Variants in PITPNM2 observed in about 807,000 individuals in gnomAD.
PITPNM2 encodes membrane-associated phosphatidylinositol transfer protein 2.
A neutral mutation model predicts 132.2 loss-of-function variants in PITPNM2; 35 were observed. That is an observed-to-expected ratio of 0.26 (90% CI 0.20 to 0.35). The LOEUF (loss-of-function observed/expected upper bound fraction) is 0.35, where lower values mean the gene tolerates loss of function less well. Among genes scored for constraint, PITPNM2 ranks in the 10% least tolerant of loss-of-function variants. The pLI, the probability that PITPNM2 is intolerant of heterozygous loss-of-function variation, is 1.00. For missense variants in PITPNM2, 1,332 were observed against 1,912.0 expected (o/e 0.70, Z 5.66); for synonymous variants, 738 against 799.2 (o/e 0.92, Z 1.29).
At chr12:123,038,013 T>A (rs1390336929) in intron 2 of PITPNM2, among the ~76,000 whole-genome samples, 1 of 151,956 alleles carries the variant, frequency 6.6e-6, no homozygotes, top group African/African-American at 2.4e-5. Context: ...AACACACACC[T>A]GGAGGGCCCA....
intron 2 of PITPNM2, among the ~76,000 whole-genome samples, chr12:123,101,051 G>A (rs1428276353): frequency 6.6e-6 from 1 of 152,242 alleles, no homozygotes; most frequent in African/African-American, 2.4e-5. Context: ...AGTGCCAGGA[G>A]CCACTCCTAT....
At position 123,001,271 on chromosome 12, in the gene PITPNM2, C is replaced by T. The variant is rs1456868999; in HGVS notation, c.1049-113G>A. 2.1e-5 allele frequency: 16 copies of T among 753,054 alleles called. No homozygotes were observed. In the East Asian group the frequency reaches 3.5e-4, roughly 17 times the overall value. 46.6% of individuals were successfully genotyped at this position (753,054 alleles called of 1,614,324 possible). A position where few individuals can be genotyped will look rare whatever the true frequency, so the allele number is the denominator to read the frequency against. On this transcript the variant is annotated intron_variant, in intron 8 of 25. Coordinates refer to ENST00000320201, the MANE Select transcript of PITPNM2 (RefSeq NM_020845.3). ...CTGCTCTGACCGTTCCTCAACAGGA[C>T]GGCCACACAGCCCCACACCTTGGGC... is the stretch of plus-strand genomic sequence containing the variant.
In PITPNM2 at chr12:123,108,339, AGTT is replaced by A. The variant is rs2042763924; in HGVS notation, c.-96+2043_-96+2045del. Among the ~76,000 whole-genome samples, 1 of 152,216 alleles carries A rather than the reference AGTT, an allele frequency of 6.6e-6. No homozygotes were observed. The highest frequency in any genetic ancestry group is 2.4e-5 in the African/African-American group (1 of 41,454). ...GCAAAGCCACTGCACTCTGGAATGC[AGTT>A]GTTAAGAAGGAATAGAACCTCCTTC... is the stretch of plus-strand genomic sequence containing the variant. On this transcript the variant is annotated intron_variant, in intron 2 of 25. Transcript: ENST00000320201. This position sits in a 1 kb window ranked among gnomAD's most constrained non-coding sequence, Gnocchi z 4.4.
Position 122,986,295 on chromosome 12 carries a change from G to T in PITPNM2, c.3782C>A (p.Ala1261Glu). The T allele has an allele frequency of 6.3e-7, 1 of 1,581,928 alleles. No individual in the cohort carries two copies. The highest frequency in any genetic ancestry group is 8.6e-7 in the Non-Finnish European group (1 of 1,167,750). The change falls in exon 26 of 26, where the codon GCG (alanine) becomes GAG (glutamate). Residue 1261 changes from alanine (A) to glutamate (E), a missense_variant. Around this residue, in one of 6 missense-constraint regions of PITPNM2, gnomAD observed 163 missense variants for 177.2 expected, o/e 0.92. Transcript: ENST00000320201. ...HLAQLKYSHR[A>E]RPARNTATRM... ...GGTGGCCGTGTTGCGAGCGGGCCGC[G>T]CCCGGTGGCTGTACTTCAGCTGCGC... is the stretch of plus-strand genomic sequence containing the variant.
rs758673088 is a variant in PITPNM2, at chr12:122,996,874, G to C, written c.1509C>G (p.Ser503=). 6.3e-7 allele frequency: 1 copy of C among 1,587,224 alleles called. No individual in the cohort carries two copies. The highest frequency in any genetic ancestry group is 8.5e-7 in the Non-Finnish European group (1 of 1,173,076). Residue 503 remains serine, a synonymous_variant, in exon 12 of 26, where the codon TCC becomes TCG. Coordinates refer to ENST00000320201, the MANE Select transcript of PITPNM2 (RefSeq NM_020845.3). Reference sequence around the variant, plus strand: ...CCAGGGGAATGTGGTCCTGACTGCTGGACAGACAGCCTTCGTCATGGCTGT... The same window carrying C: ...CCAGGGGAATGTGGTCCTGACTGCTCGACAGACAGCCTTCGTCATGGCTGT... ...SPYSHDEGCL[S]SSQDHIPLAA...
At chr12:123,033,048 C>A (rs1208437957) in intron 3 of PITPNM2, among the ~76,000 whole-genome samples, 1 of 152,206 alleles carries the variant, frequency 6.6e-6, no homozygotes, top group Non-Finnish European at 1.5e-5. Context: ...AAGGTGGGAG[C>A]CCAATAGGCG....
intron 2 of PITPNM2, among the ~76,000 whole-genome samples, chr12:123,054,987 C>T (rs185661643): frequency 2.8e-4 from 43 of 152,200 alleles, no homozygotes; most frequent in African/African-American, 1.0e-3. Flanking sequence ...TCACTTGAAT[C>T]CGGGAGCAGA....
At chr12:123,065,477 G>T (rs896252739) in intron 2 of PITPNM2, among the ~76,000 whole-genome samples, 2 of 152,184 alleles carry the variant, frequency 1.3e-5, no homozygotes, top group Non-Finnish European at 2.9e-5. Context: ...TGCAAGACAG[G>T]AACAACCATT....
chr12:123,018,362 T>C lies in PITPNM2; in HGVS notation c.79-4320A>G, dbSNP rs1375912309. 2.7e-5 allele frequency among the ~76,000 whole-genome samples: 4 copies of C among 149,930 alleles called. No homozygotes were observed. The East Asian group carries it at 7.9e-4, about 29-fold the overall frequency. On this transcript the variant is annotated intron_variant, in intron 3 of 25. Transcript: ENST00000320201. Reference sequence around the variant, plus strand: ...CAGGTTGGAGTGCAGTGGCACGATCTAGGCTCATTGCAACCTTCGCCTCCC... The same window carrying C: ...CAGGTTGGAGTGCAGTGGCACGATCCAGGCTCATTGCAACCTTCGCCTCCC...
chr12:123,090,373 T>C (rs1450667882), intron 2 of PITPNM2: 1 of 152,222 alleles, frequency 6.6e-6, no homozygotes, highest in Admixed American at 6.5e-5. Context: ...AACCACATTT[T>C]CTTTGTTTAG....
chr12:123,140,348 C>T (rs1054689282), intron 1 of PITPNM2, among the ~76,000 whole-genome samples: 1 of 152,206 alleles, frequency 6.6e-6, no homozygotes, highest in Non-Finnish European at 1.5e-5. Context: ...GACACAGCCA[C>T]CAGTTCCAGC....
At chr12:123,085,966 C>G (rs2042100641) in intron 2 of PITPNM2, among the ~76,000 whole-genome samples, 1 of 152,268 alleles carries the variant, frequency 6.6e-6, no homozygotes, top group Admixed American at 6.5e-5. Flanking sequence ...CAGGCAGGGG[C>G]TGAGAAGTCT....
Position 122,989,879 on chromosome 12 carries a change from C to CCGGGGGGGGGGGGGGG in PITPNM2, c.2638_2639insCCCCCCCCCCCCCCCG (p.Ser880ThrfsTer31). On this transcript the variant is annotated frameshift_variant, in exon 18 of 26. Transcript: ENST00000320201. LOFTEE classifies it high-confidence loss of function. ...AGGGTGGGGGCCAGGGGTGGTGGGG[C>CCGGGGGGGGGGGGGGG]TGGGGGCGGGCAGGGCGAGCAGGGA... The CCGGGGGGGGGGGGGGG allele has an allele frequency of 9.2e-6, 3 of 324,394 alleles. No homozygotes were observed. Among genetic ancestry groups the CCGGGGGGGGGGGGGGG allele is most frequent in the Non-Finnish European group, 1.5e-5 (3 of 198,050 alleles). The allele number at this position is 324,394 out of a possible 1,614,324, so 20.1% of individuals were successfully genotyped here.
chr12:123,126,701 A>G (rs7307833), intron 1 of PITPNM2, among the ~76,000 whole-genome samples: 21,937 of 152,054 alleles, frequency 0.14, 5,236 homozygotes, highest in African/African-American at 0.5. Flanking sequence ...GAACAGCCTG[A>G]TTCATGACAT....
intron 1 of PITPNM2, among the ~76,000 whole-genome samples, chr12:123,142,089 G>A (rs1478812362): frequency 6.6e-6 from 1 of 152,178 alleles, no homozygotes; most frequent in Non-Finnish European, 1.5e-5. Flanking sequence ...AAGAGTGCAC[G>A]ACAAATTGCA....
chr12:123,141,598 A>C (rs141086017), intron 1 of PITPNM2, among the ~76,000 whole-genome samples: 2,544 of 152,154 alleles, frequency 0.017, 30 homozygotes, highest in Non-Finnish European at 0.027. Flanking sequence ...CTCCTGGAGC[A>C]GGAATCTTAA....
Position 123,022,215 on chromosome 12 carries a change from A to C in PITPNM2, c.79-8173T>G, listed in dbSNP as rs1167578874. ...CCGCTCAGCCTTTTTCTGGTCCTGG[A>C]TCAGCCATTGATGTCAGCACTTGGG... is the stretch of plus-strand genomic sequence containing the variant. On this transcript the variant is annotated intron_variant, in intron 3 of 25. Coordinates refer to ENST00000320201, the MANE Select transcript of PITPNM2 (RefSeq NM_020845.3). The surrounding 1 kb of genome is among the most constrained non-coding windows in gnomAD (Gnocchi z 4.9). 6.6e-6 allele frequency among the ~76,000 whole-genome samples: 1 copy of C among 152,172 alleles called. No individual in the cohort carries two copies. The highest frequency in any genetic ancestry group is 1.9e-4 in the East Asian group (1 of 5,188).
rs748591287 is a variant in PITPNM2 at position 123,000,900 on chromosome 12, C to T, written c.1154-52G>A. The T allele has an allele frequency of 5.6e-6, 9 of 1,604,380 alleles. No individual in the cohort carries two copies. In the Admixed American group the frequency reaches 1.0e-4, roughly 18 times the overall value. On this transcript the variant is annotated intron_variant, in intron 9 of 25. Coordinates refer to ENST00000320201, the MANE Select transcript of PITPNM2 (RefSeq NM_020845.3). The surrounding 1 kb of genome is among the most constrained non-coding windows in gnomAD (Gnocchi z 5.4). ...GAGCTGAGGGGCAGCCCAACCTGGCCGACCGGACAGAGGCTGCAACTGTGA... is the reference window on the plus strand; with the variant it reads ...GAGCTGAGGGGCAGCCCAACCTGGCTGACCGGACAGAGGCTGCAACTGTGA...
chr12:122,987,050 C>T (rs566166586), intron 23 of PITPNM2, among the ~76,000 whole-genome samples: 1 of 152,400 alleles, frequency 6.6e-6, no homozygotes, highest in African/African-American at 2.4e-5. Flanking sequence ...TTACCAGCCT[C>T]ACCTTCCAGA....
Sources: allele counts gnomAD v4.1 joint callset (sites outside exome capture counted in the v4.1 genomes callset), GRCh38; gene constraint gnomAD v4.1.1; regional missense constraint gnomAD v4.1.1; non-coding constraint Gnocchi (gnomAD v3.1); transcripts MANE v1.5; gene names NCBI Gene and HGNC (gene_info 2026-07-23, HGNC 2026-07-21).